The following RPS6KA3 variants were observed in gnomAD, a reference collection of about 807,000 sequenced individuals.
RPS6KA3 encodes ribosomal protein S6 kinase alpha-3.
A neutral mutation model predicts 67.2 loss-of-function variants in RPS6KA3; 4 were observed. The ratio of observed to expected loss-of-function variants is 0.06; its 90% CI spans 0.03 to 0.14. RPS6KA3 has a LOEUF of 0.14. RPS6KA3 is among the 10% of genes least tolerant of loss of function. The probability of loss-of-function intolerance (pLI) is 1.00; values close to 1 mark genes in which losing one functional copy is unlikely to be tolerated. For synonymous variants in RPS6KA3, 182 were observed against 183.7 expected, an observed-to-expected ratio of 0.99 and a Z score of 0.07; for missense variants, 204 against 559.0, an observed-to-expected ratio of 0.36 and a Z score of 6.40.
At chrX:20,256,835 T>C (rs1038331928) in intron 1 of RPS6KA3, among the ~76,000 whole-genome samples, 6 of 111,920 alleles carry the variant, frequency 5.4e-5, no homozygotes, top group Non-Finnish European at 1.1e-4. Context: ...TACATACATA[T>C]ATTTATATAT....
At chrX:20,170,518 T>G (rs1371298439) in intron 15 of RPS6KA3, among the ~76,000 whole-genome samples, 1 of 111,786 alleles carries the variant, frequency 8.9e-6, no homozygotes, top group Non-Finnish European at 1.9e-5. Flanking sequence ...TCCTCCCTCC[T>G]CAGCCTACTT....
rs182502262 is a variant in RPS6KA3, at chrX:20,204,478, G to A, written c.244-375C>T. Among the ~76,000 whole-genome samples the A allele has an allele frequency of 2.7e-5, 3 of 112,379 alleles. No homozygotes were observed. In the Admixed American group the frequency reaches 2.8e-4, roughly 11 times the overall value. ...AACAAAACAGAATTCTACTGAGCCC[G>A]TCAAAATTGTTATACGGCGGTTCCT... On this transcript the variant is annotated intron_variant, in intron 3 of 21. Transcript: ENST00000379565.
At chrX:20,182,189 A>G (rs1221854211) in intron 10 of RPS6KA3, among the ~76,000 whole-genome samples, 3 of 112,073 alleles carry the variant, frequency 2.7e-5, no homozygotes, top group African/African-American at 9.7e-5. Flanking sequence ...CCCCTCATCC[A>G]GTGTAACCAC....
At chrX:20,156,399 A>C in intron 20 of RPS6KA3, 150 bp from the exon 21 acceptor site, 1 of 595,535 alleles carries the variant, frequency 1.7e-6, no homozygotes, top group South Asian at 2.6e-5. Context: ...TGGGGGAAAA[A>C]AAATCAGTCT....
intron 1 of RPS6KA3, among the ~76,000 whole-genome samples, chrX:20,244,088 C>T (rs2147024258): frequency 9.0e-6 from 1 of 111,609 alleles, no homozygotes; most frequent in South Asian, 3.7e-4. Context: ...AAGGACAAAG[C>T]ATTTGAAATA....
chrX:20,251,171 G>A (rs915860459), intron 1 of RPS6KA3, among the ~76,000 whole-genome samples: 10 of 111,624 alleles, frequency 9.0e-5, no homozygotes, highest in South Asian at 3.7e-4. Flanking sequence ...TCACTGTGTC[G>A]CCCAGGCTGG....
intron 11 of RPS6KA3, 146 bp downstream of exon 11, chrX:20,176,850 C>A (rs1366001425): frequency 2.0e-6 from 1 of 490,637 alleles, no homozygotes; most frequent in East Asian, 3.7e-5. Context: ...CCTTGGTCTC[C>A]CAAAGTGCTG....
intron 1 of RPS6KA3, among the ~76,000 whole-genome samples, chrX:20,247,861 A>C (rs1417710111): frequency 8.9e-6 from 1 of 111,846 alleles, no homozygotes; most frequent in Non-Finnish European, 1.9e-5. Flanking sequence ...CTCAAATCTT[A>C]AAAAAATAAA....
intron 19 of RPS6KA3, among the ~76,000 whole-genome samples, chrX:20,162,147 C>A (rs1337419267): frequency 9.2e-6 from 1 of 108,437 alleles, no homozygotes; most frequent in Admixed American, 1.0e-4. Context: ...ACCAGCCTGG[C>A]CAACATGATG....
At chrX:20,162,003 T>G (rs976585017) in intron 19 of RPS6KA3, among the ~76,000 whole-genome samples, 7 of 109,122 alleles carry the variant, frequency 6.4e-5, no homozygotes, top group Admixed American at 9.9e-5. Flanking sequence ...TTTATATTAA[T>G]AAATATTTTA....
At chrX:20,244,561 C>T (rs1046428280) in intron 1 of RPS6KA3, among the ~76,000 whole-genome samples, 11 of 111,871 alleles carry the variant, frequency 9.8e-5, no homozygotes, top group East Asian at 5.5e-4. Flanking sequence ...TGAGTTATTA[C>T]GCAGAGAAGA....
intron 2 of RPS6KA3, among the ~76,000 whole-genome samples, chrX:20,219,599 A>T: frequency 9.0e-6 from 1 of 111,564 alleles, no homozygotes; most frequent in South Asian, 3.7e-4. Context: ...AATATAAGTT[A>T]AAAAAAAGAA....
chrX:20,179,460 T>C (rs937305369), intron 10 of RPS6KA3, among the ~76,000 whole-genome samples: 3 of 110,722 alleles, frequency 2.7e-5, no homozygotes, highest in African/African-American at 9.9e-5. Context: ...TCCTGGGGGA[T>C]AAGACCATTT....
At chrX:20,157,099 A>G (rs1043669949) in intron 20 of RPS6KA3, among the ~76,000 whole-genome samples, 1 of 112,185 alleles carries the variant, frequency 8.9e-6, no homozygotes, top group South Asian at 3.7e-4. Flanking sequence ...TTAGCACTGC[A>G]TATCTATCTA....
At chrX:20,265,579 CAAG>C (rs1399176634) in intron 1 of RPS6KA3, 1 of 111,755 alleles carries the variant, frequency 8.9e-6, no homozygotes, top group East Asian at 2.8e-4. Flanking sequence ...AGCAAAAAGT[CAAG>C]AAGGAAGAAT....
intron 19 of RPS6KA3, among the ~76,000 whole-genome samples, 165 bp downstream of exon 19, chrX:20,162,799 G>T (rs980167814): frequency 9.0e-6 from 1 of 111,470 alleles, no homozygotes; most frequent in African/African-American, 3.3e-5. Context: ...GTGAACTATG[G>T]CTGTGTCACT....
chrX:20,266,527 G>A, intron 1 of RPS6KA3, 37 bp downstream of exon 1: 1 of 1,092,849 alleles, frequency 9.2e-7, no homozygotes, highest in African/African-American at 1.8e-5. Flanking sequence ...GGCGCGAGGA[G>A]GAGATGCGCC....
chrX:20,162,330 C>T (rs1387468825), intron 19 of RPS6KA3, among the ~76,000 whole-genome samples: 9 of 95,774 alleles, frequency 9.4e-5, no homozygotes, highest in Non-Finnish European at 1.9e-4. Context: ...AGCAAGACTC[C>T]GTCTCAAAAA....
In RPS6KA3 at chrX:20,266,723, A is replaced by G. The variant is rs1458722090; in HGVS notation, c.-91T>C. 1 of 525,617 alleles carries G rather than the reference A, an allele frequency of 1.9e-6. No homozygotes were observed. The highest frequency in any genetic ancestry group is 2.2e-6 in the Non-Finnish European group (1 of 452,206). The allele number at this position is 525,617 out of a possible 1,213,427, so 43.3% of individuals were successfully genotyped here. A position where few individuals can be genotyped will look rare whatever the true frequency, so the allele number is the denominator to read the frequency against. ...TCCGTCGCCGCCCGAGCCCCACGGC[A>G]GCGGCGGCGGCGGCGGCGGCGGCGG... On this transcript the variant is annotated 5_prime_UTR_variant, in exon 1 of 22. Transcript: ENST00000379565.
Sources: gnomAD v4.1 joint callset for allele counts (sites outside exome capture counted in the v4.1 genomes callset) on GRCh38, gnomAD v4.1.1 for gene constraint, MANE v1.5 for transcripts, NCBI Gene and HGNC (gene_info 2026-07-23, HGNC 2026-07-21) for gene names.